The following KIF14 variants were observed in gnomAD, a reference collection of about 807,000 sequenced individuals.
The protein encoded by KIF14 is kinesin-like protein KIF14.
Under a neutral mutation model 176.2 loss-of-function variants are expected in KIF14, and 98 were observed. That is an observed-to-expected ratio of 0.56 (90% CI 0.47 to 0.66). KIF14 has a LOEUF of 0.66. KIF14 is among the 30% of genes least tolerant of loss of function. The probability of loss-of-function intolerance (pLI) is 0.00; values close to 1 mark genes in which losing one functional copy is unlikely to be tolerated. For missense variants in KIF14, 1,751 were observed against 1,920.4 expected, an observed-to-expected ratio of 0.91 and a Z score of 1.65; for synonymous variants, 566 against 632.2, an observed-to-expected ratio of 0.90 and a Z score of 1.57.
rs869174532 is a variant in KIF14 at position 200,573,427 on chromosome 1, C to CTTTTT, written c.3566+2159_3566+2163dup. On this transcript the variant is annotated intron_variant, in intron 22 of 29. Coordinates refer to ENST00000367350, the MANE Select transcript of KIF14 (RefSeq NM_014875.3). ...TTCCCTACACTCAAGGAGCTCATTT[C>CTTTTT]TTTTTTTTTTTTTTTTTTTTTTTTG... is the stretch of plus-strand genomic sequence containing the variant. Among the ~76,000 whole-genome samples the CTTTTT allele has an allele frequency of 8.5e-3, 664 of 77,710 alleles. 46 individuals are homozygous for CTTTTT. Among genetic ancestry groups the CTTTTT allele is most frequent in the Non-Finnish European group, 9.8e-3 (418 of 42,450 alleles). 51.0% of individuals were successfully genotyped at this position (77,710 alleles called of 152,430 possible).
In KIF14 at chr1:200,565,061, C is replaced by T; in HGVS notation, c.4071+8G>A. 1 of 1,600,460 alleles carries T rather than the reference C, an allele frequency of 6.2e-7. No individual in the cohort carries two copies. The highest frequency in any genetic ancestry group is 8.5e-7 in the Non-Finnish European group (1 of 1,170,280). On this transcript the variant is annotated splice_region_variant and intron_variant, in intron 25 of 29. Transcript: ENST00000367350. ...ATCCTTCAAATGATAATAAGCAAAT[C>T]AATTTACCTGCAAAAATAACTGTAA...
chr1:200,585,904 T>C (rs1431215143), intron 19 of KIF14, among the ~76,000 whole-genome samples, 197 bp downstream of exon 19: 1 of 152,156 alleles, frequency 6.6e-6, no homozygotes. Flanking sequence ...GTCTAAAGCA[T>C]TGATATAATA....
At chr1:200,612,881 C>CTT (rs58120760) in intron 4 of KIF14, among the ~76,000 whole-genome samples, 1,768 of 79,096 alleles carry the variant, frequency 0.022, 6 homozygotes, top group African/African-American at 0.029. Context: ...AGTTTATTCT[C>CTT]TTTTTTTTTT....
intron 22 of KIF14, among the ~76,000 whole-genome samples, chr1:200,573,423 A>ATTTTTTTTTTTT (rs1657921825): frequency 7.1e-5 from 6 of 84,426 alleles, no homozygotes; most frequent in South Asian, 3.4e-4. Context: ...CAAGGAGCTC[A>ATTTTTTTTTTTT]TTTCTTTTTT....
intron 19 of KIF14, among the ~76,000 whole-genome samples, chr1:200,582,101 C>A (rs1269673027): frequency 6.6e-6 from 1 of 152,086 alleles, no homozygotes; most frequent in Non-Finnish European, 1.5e-5. Flanking sequence ...TGACTGGGCA[C>A]AGTAGCTCAT....
intron 16 of KIF14, among the ~76,000 whole-genome samples, chr1:200,591,040 AAAAC>A (rs1405316948): frequency 2.3e-4 from 35 of 152,126 alleles, no homozygotes; most frequent in Admixed American, 1.3e-4. Context: ...AAAAAACCAA[AAAAC>A]AAACAAAAAA....
intron 21 of KIF14, among the ~76,000 whole-genome samples, chr1:200,576,593 G>C (rs964790415): frequency 1.3e-5 from 2 of 151,522 alleles, no homozygotes; most frequent in African/African-American, 2.4e-5. Flanking sequence ...TACTTTTGTT[G>C]TTCTAAAAAT....
intron 2 of KIF14, 132 bp from the exon 3 acceptor site, chr1:200,615,741 G>A (rs534043536): frequency 1.3e-6 from 1 of 784,824 alleles, no homozygotes; most frequent in Non-Finnish European, 1.9e-6. Context: ...GTTTTATGTG[G>A]AAAATGCAGA....
At chr1:200,557,030 A>C (rs1037473631) in intron 27 of KIF14, among the ~76,000 whole-genome samples, 2 of 127,478 alleles carry the variant, frequency 1.6e-5, no homozygotes, top group African/African-American at 5.6e-5. Context: ...TTTGAGACAG[A>C]GTCTTGCTCT....
At chr1:200,589,985 G>A in intron 17 of KIF14, 140 bp downstream of exon 17, 1 of 861,310 alleles carries the variant, frequency 1.2e-6, no homozygotes, top group Non-Finnish European at 1.8e-6. Context: ...ATTAAAGAGG[G>A]CCAAGACTCA....
intron 27 of KIF14, among the ~76,000 whole-genome samples, chr1:200,558,616 C>A (rs1190356153): frequency 6.6e-6 from 1 of 152,090 alleles, no homozygotes; most frequent in Non-Finnish European, 1.5e-5. Flanking sequence ...ATAGAAATGG[C>A]TAAGATTTAC....
At chr1:200,560,945 T>C in intron 25 of KIF14, 65 bp from the exon 26 acceptor site, 1 of 1,480,036 alleles carries the variant, frequency 6.8e-7, no homozygotes. Flanking sequence ...AAAGAAAAGA[T>C]AAGGGCCGGG....
intron 14 of KIF14, among the ~76,000 whole-genome samples, chr1:200,596,888 CTTTTTTTTTTT>C (rs993346438): frequency 1.0e-5 from 1 of 99,212 alleles, no homozygotes; most frequent in Non-Finnish European, 1.9e-5. Context: ...CTCTCTCTCT[CTTTTTTTTTTT>C]TTTTTTTTTT....
In KIF14 at chr1:200,591,596, C is replaced by T. The variant is rs553588592; in HGVS notation, c.2813+484G>A. Among the ~76,000 whole-genome samples, 5 of 152,290 alleles carry T rather than the reference C, an allele frequency of 3.3e-5. No individual in the cohort carries two copies. In the East Asian group the frequency reaches 9.6e-4, roughly 29 times the overall value. ...TCCTACGATACTGCATGAACTAAAA[C>T]TGGGGCACAAGAAGAAAAGAAAAAC... On this transcript the variant is annotated intron_variant, in intron 16 of 29. Transcript: ENST00000367350.
Position 200,613,685 on chromosome 1 carries a change from A to C in KIF14, c.1455+633T>G, listed in dbSNP as rs563869266. On this transcript the variant is annotated intron_variant, in intron 4 of 29. Coordinates refer to ENST00000367350, the MANE Select transcript of KIF14 (RefSeq NM_014875.3). ...AGAACCCCCAGAAGAGATTTTTAGC[A>C]AGTGTGTACATACACATACACATGC... 2.0e-5 allele frequency among the ~76,000 whole-genome samples: 3 copies of C among 152,332 alleles called. No individual in the cohort carries two copies. In the East Asian group the frequency reaches 5.8e-4, roughly 29 times the overall value.
In KIF14 at chr1:200,618,635, A is replaced by T; in HGVS notation, c.89T>A (p.Leu30His). ...SSQNSSSLNA[L>H]THSSRLKLHL... ...CAGCTTAAGTCGGCTACTGTGGGTG[A>T]GGGCATTCAGTGATGAACTATTTTG... The change falls in exon 2 of 30, where the codon CTC (leucine) becomes CAC (histidine). Residue 30 changes from leucine to histidine, a missense_variant. Leu to His is a moderately conservative substitution (Grantham distance 99, BLOSUM62 -3). Coordinates refer to ENST00000367350, the MANE Select transcript of KIF14 (RefSeq NM_014875.3). 1 of 1,614,036 alleles carries T rather than the reference A, an allele frequency of 6.2e-7. No homozygotes were observed. Among genetic ancestry groups the T allele is most frequent in the South Asian group, 1.1e-5 (1 of 91,088 alleles).
At position 200,553,414 on chromosome 1, in the gene KIF14, T is replaced by C; in HGVS notation, c.4921A>G (p.Thr1641Ala). 6.2e-7 allele frequency: 1 copy of C among 1,612,698 alleles called. No individual in the cohort carries two copies. Among genetic ancestry groups the C allele is most frequent in the South Asian group, 1.1e-5 (1 of 90,740 alleles). Residue 1641 changes from threonine to alanine, a missense_variant, in exon 30 of 30, where the codon ACA (threonine) becomes GCA (alanine). Thr to Ala is a moderately conservative substitution (Grantham distance 58). Coordinates refer to ENST00000367350, the MANE Select transcript of KIF14 (RefSeq NM_014875.3). ...CACACCCACTGAATCCTACTGGGTG[T>C]GCATTCCTCTGAGCTCACTGCTGGG... is the stretch of plus-strand genomic sequence containing the variant. Reference protein sequence around the residue: ...SSPAVSSEECTPSRIQWV With the variant: ...SSPAVSSEECAPSRIQWV
intron 3 of KIF14, among the ~76,000 whole-genome samples, chr1:200,615,067 T>C (rs150508439): frequency 1.1e-4 from 16 of 152,272 alleles, no homozygotes; most frequent in African/African-American, 1.7e-4. Flanking sequence ...CTCACCAAAA[T>C]ACTTAAAAGA....
rs1660534026 is a variant in KIF14 at position 200,618,607 on chromosome 1, A to G, written c.117T>C (p.His39=). 28 of 1,614,156 alleles carry G rather than the reference A, an allele frequency of 1.7e-5. No individual in the cohort carries two copies. The highest frequency in any genetic ancestry group is 2.4e-5 in the Non-Finnish European group (28 of 1,180,026). The part of the protein sequence containing the change: ...ALTHSSRLKL[H]LKSDMSECEN... ...CACATTCTGACATATCCGACTTCAA[A>G]TGCAGCTTAAGTCGGCTACTGTGGG... The change falls in exon 2 of 30, where the codon CAT becomes CAC. Residue 39 remains histidine (H), a synonymous_variant. Coordinates refer to ENST00000367350, the MANE Select transcript of KIF14 (RefSeq NM_014875.3).
Sources: gnomAD v4.1 joint callset for allele counts (sites outside exome capture counted in the v4.1 genomes callset) on GRCh38, gnomAD v4.1.1 for gene constraint, MANE v1.5 for transcripts, NCBI Gene and HGNC (gene_info 2026-07-23, HGNC 2026-07-21) for gene names.